The following KLF12 variants were observed in gnomAD, a reference collection of about 807,000 sequenced individuals.
The protein encoded by KLF12 is Krueppel-like factor 12.
KLF12 carries 9 observed loss-of-function variants against 37.8 expected under a neutral mutation model. That is an observed-to-expected ratio of 0.24 (90% CI 0.14 to 0.42). The LOEUF (loss-of-function observed/expected upper bound fraction) is 0.42, where lower values mean the gene tolerates loss of function less well. Among genes scored for constraint, KLF12 ranks in the 10% least tolerant of loss-of-function variants. KLF12 has a pLI of 1.00. For synonymous variants in KLF12, 208 were observed against 202.1 expected (o/e 1.03, Z -0.25); for missense variants, 411 against 516.0 (o/e 0.80, Z 1.97).
At chr13:74,105,649 A>C (rs1227904276) in intron 1 of KLF12, among the ~76,000 whole-genome samples, 1 of 152,142 alleles carries the variant, frequency 6.6e-6, no homozygotes, top group African/African-American at 2.4e-5. Context: ...TCACTGAACA[A>C]GTAGGAGAAA....
intron 3 of KLF12, among the ~76,000 whole-genome samples, chr13:73,936,897 A>G (rs1010449269): frequency 3.3e-5 from 5 of 152,202 alleles, no homozygotes; most frequent in African/African-American, 1.2e-4. Flanking sequence ...CTAAAGGTTA[A>G]ACAGGATATT....
At chr13:73,706,589 A>G (rs144837023) in intron 7 of KLF12, among the ~76,000 whole-genome samples, 4 of 152,318 alleles carry the variant, frequency 2.6e-5, no homozygotes, top group Admixed American at 6.5e-5. Context: ...TTACCAATCC[A>G]AATTTTTTGT....
At chr13:74,011,435 T>C (rs1892549186) in intron 1 of KLF12, among the ~76,000 whole-genome samples, 1 of 152,162 alleles carries the variant, frequency 6.6e-6, no homozygotes, top group African/African-American at 2.4e-5. Context: ...AAAATAACTT[T>C]AAAAAGTTCA....
intron 5 of KLF12, among the ~76,000 whole-genome samples, chr13:73,791,702 C>T (rs1881698303): frequency 1.3e-5 from 2 of 152,128 alleles, no homozygotes; most frequent in Non-Finnish European, 1.5e-5. Flanking sequence ...AATTACATTA[C>T]AGCAAATACC....
At chr13:74,124,262 C>A (rs1025599873) in intron 1 of KLF12, among the ~76,000 whole-genome samples, 1 of 152,140 alleles carries the variant, frequency 6.6e-6, no homozygotes, top group Non-Finnish European at 1.5e-5. Context: ...AATGCATATT[C>A]CAAAGTCTGT....
chr13:73,830,991 T>TAC (rs71115618), intron 4 of KLF12, among the ~76,000 whole-genome samples: 5,756 of 118,938 alleles, frequency 0.048, 187 homozygotes, highest in Admixed American at 0.14. Flanking sequence ...ACGCAATTCA[T>TAC]ACACACACAC....
At chr13:74,217,355 T>G in the KLF12 span, among the ~76,000 whole-genome samples, 1 of 151,970 alleles carries the variant, frequency 6.6e-6, no homozygotes, top group Non-Finnish European at 1.5e-5. Context: ...CAGACACTAC[T>G]GGTAGTACAA....
chr13:73,792,148 C>T (rs1881720758), intron 5 of KLF12, among the ~76,000 whole-genome samples: 1 of 152,182 alleles, frequency 6.6e-6, no homozygotes, highest in African/African-American at 2.4e-5. Flanking sequence ...CAACTCTACT[C>T]TCCTCTCATC....
At chr13:74,205,839 C>T in the KLF12 span, among the ~76,000 whole-genome samples, 2 of 152,036 alleles carry the variant, frequency 1.3e-5, no homozygotes, top group African/African-American at 4.8e-5. Flanking sequence ...AGATAACTCT[C>T]TCCTCCAGGT....
Position 73,840,833 on chromosome 13 carries a change from C to T in KLF12, c.670+4994G>A, listed in dbSNP as rs532651416. The stretch of plus-strand genomic sequence containing the variant: ...CCTTCATTTACCCTCCCCTTCCCTC[C>T]CCCTACTTAAGCCTCTCTAGTTCCA... On this transcript the variant is annotated intron_variant, in intron 4 of 7. Coordinates refer to ENST00000377669, the MANE Select transcript of KLF12 (RefSeq NM_007249.5). Among the ~76,000 whole-genome samples the T allele has an allele frequency of 3.2e-4, 49 of 152,206 alleles. 1 individual carries two copies. In the South Asian group the frequency reaches 1.0e-2, roughly 31 times the overall value.
At chr13:73,700,712 C>T (rs570687115) in intron 7 of KLF12, among the ~76,000 whole-genome samples, 179 of 151,966 alleles carry the variant, frequency 1.2e-3, no homozygotes, top group African/African-American at 4.0e-3. Flanking sequence ...TCATTATATA[C>T]GCCCAGTGCC....
chr13:74,167,566 G>A, the KLF12 span, among the ~76,000 whole-genome samples: 1 of 152,226 alleles, frequency 6.6e-6, no homozygotes, highest in African/African-American at 2.4e-5. Flanking sequence ...GATCTGGTGA[G>A]TCTGAGGTAT....
At chr13:73,748,816 A>C (rs550611726) in intron 6 of KLF12, among the ~76,000 whole-genome samples, 1 of 152,238 alleles carries the variant, frequency 6.6e-6, no homozygotes, top group Non-Finnish European at 1.5e-5. Context: ...GCCAAAAGCC[A>C]ACAGCAGGTA....
chr13:73,977,227 T>C (rs1262583792), intron 2 of KLF12, among the ~76,000 whole-genome samples: 1 of 151,936 alleles, frequency 6.6e-6, no homozygotes, highest in Non-Finnish European at 1.5e-5. Context: ...ATTTTTTTTG[T>C]AGAGATGGGG....
At chr13:74,185,778 C>G in the KLF12 span, among the ~76,000 whole-genome samples, 1 of 152,102 alleles carries the variant, frequency 6.6e-6, no homozygotes, top group Non-Finnish European at 1.5e-5. Context: ...TCCCAAGTAG[C>G]TGGGATTACA....
chr13:74,084,939 T>A (rs753825690), intron 1 of KLF12, among the ~76,000 whole-genome samples: 1 of 152,198 alleles, frequency 6.6e-6, no homozygotes, highest in Admixed American at 6.5e-5. Flanking sequence ...GAGGTTTTGT[T>A]GGTTTTTTTA....
At chr13:74,216,514 T>G in the KLF12 span, among the ~76,000 whole-genome samples, 1 of 152,204 alleles carries the variant, frequency 6.6e-6, no homozygotes, top group African/African-American at 2.4e-5. Context: ...CCTTGGCCGG[T>G]GTCCTGGGTG....
chr13:73,935,054 A>T (rs1372903724), intron 3 of KLF12, among the ~76,000 whole-genome samples: 1 of 151,668 alleles, frequency 6.6e-6, no homozygotes, highest in African/African-American at 2.4e-5. Context: ...ATCTCAACTT[A>T]TTGCACCCTC....
chr13:74,072,664 G>GT (rs148135445), intron 1 of KLF12, among the ~76,000 whole-genome samples: 35,840 of 151,722 alleles, frequency 0.24, 4,954 homozygotes, highest in Middle Eastern at 0.34. Flanking sequence ...GCTGCAAGCT[G>GT]TGATGGCTCC....
Sources: allele counts gnomAD v4.1 joint callset (sites outside exome capture counted in the v4.1 genomes callset), GRCh38; gene constraint gnomAD v4.1.1; transcripts MANE v1.5; gene names NCBI Gene and HGNC (gene_info 2026-07-23, HGNC 2026-07-21).